The following GHR variants were observed in gnomAD, a reference collection of about 807,000 sequenced individuals.
GHR encodes growth hormone receptor, also known as GH receptor.
Under a neutral mutation model 67.1 loss-of-function variants are expected in GHR, and 35 were observed. That is an observed-to-expected ratio of 0.52 (90% CI 0.40 to 0.69). The LOEUF (loss-of-function observed/expected upper bound fraction) is 0.69, where lower values mean the gene tolerates loss of function less well. GHR is among the 30% of genes least tolerant of loss of function. GHR has a pLI of 0.00. For synonymous variants in GHR, 272 were observed against 269.1 expected, an observed-to-expected ratio of 1.01 and a Z score of -0.10; for missense variants, 792 against 764.6, an observed-to-expected ratio of 1.04 and a Z score of -0.42.
At chr5:42,594,405 T>G (rs1288830033) in intron 2 of GHR, among the ~76,000 whole-genome samples, 1 of 152,238 alleles carries the variant, frequency 6.6e-6, no homozygotes, top group African/African-American at 2.4e-5. Flanking sequence ...TGGAAAACAG[T>G]TTTGGCATAA....
intron 1 of GHR, chr5:42,467,847 C>A: frequency 9.9e-7 from 1 of 1,005,032 alleles, no homozygotes; most frequent in South Asian, 1.5e-5. Flanking sequence ...TTAACAGTGT[C>A]AGAATTAAGG....
chr5:42,622,830 T>A (rs1196089544), intron 2 of GHR, among the ~76,000 whole-genome samples: 2 of 152,154 alleles, frequency 1.3e-5, no homozygotes, highest in Admixed American at 6.5e-5. Context: ...GGATGAATCA[T>A]TGCCATAAGT....
intron 1 of GHR, among the ~76,000 whole-genome samples, chr5:42,495,398 TG>T (rs1421652931): frequency 4.6e-5 from 7 of 152,126 alleles, no homozygotes; most frequent in African/African-American, 1.7e-4. Context: ...ATTCATTAGC[TG>T]TTTTTTTCCA....
intron 3 of GHR, among the ~76,000 whole-genome samples, chr5:42,680,076 TCA>T (rs1350576037): frequency 2.0e-5 from 3 of 152,244 alleles, no homozygotes; most frequent in African/African-American, 7.2e-5. Flanking sequence ...TTTAGGCCAG[TCA>T]CACAAAGATT....
intron 2 of GHR, among the ~76,000 whole-genome samples, chr5:42,574,591 G>A (rs1272942587): frequency 6.6e-6 from 1 of 152,188 alleles, no homozygotes; most frequent in African/African-American, 2.4e-5. Flanking sequence ...AAAGGCAAAA[G>A]TATAAGTGCT....
At chr5:42,450,061 G>A (rs143128790) in intron 1 of GHR, among the ~76,000 whole-genome samples, 245 of 152,230 alleles carry the variant, frequency 1.6e-3, no homozygotes, top group African/African-American at 5.8e-3. Context: ...CTACTTTGTT[G>A]AGGATTTTTG....
At chr5:42,513,701 G>C (rs897709600) in intron 1 of GHR, among the ~76,000 whole-genome samples, 4 of 151,984 alleles carry the variant, frequency 2.6e-5, no homozygotes, top group African/African-American at 9.7e-5. Context: ...AGAATCGCTT[G>C]AACTCGGGAG....
At chr5:42,653,192 T>C (rs1293786105) in intron 3 of GHR, among the ~76,000 whole-genome samples, 1 of 152,154 alleles carries the variant, frequency 6.6e-6, no homozygotes, top group Non-Finnish European at 1.5e-5. Context: ...AGTAGCAGAA[T>C]TTCCTGAATG....
chr5:42,580,356 TG>T (rs1457645384), intron 2 of GHR, among the ~76,000 whole-genome samples: 3 of 152,074 alleles, frequency 2.0e-5, no homozygotes, highest in Non-Finnish European at 4.4e-5. Context: ...TGTGTGTTTG[TG>T]GGGTGGAGGA....
chr5:42,614,260 TTTTA>T (rs1235851995), intron 2 of GHR, among the ~76,000 whole-genome samples: 4 of 152,136 alleles, frequency 2.6e-5, no homozygotes, highest in African/African-American at 7.2e-5. Context: ...AAGAAGCCTT[TTTTA>T]AAAGCGTAAC....
chr5:42,705,189 AT>A (rs1384721159), intron 6 of GHR, among the ~76,000 whole-genome samples: 3 of 151,414 alleles, frequency 2.0e-5, no homozygotes, highest in Non-Finnish European at 4.4e-5. Flanking sequence ...GATCTTTATT[AT>A]TTCCTTCCTT....
At chr5:42,541,711 A>G (rs1316099551) in intron 1 of GHR, among the ~76,000 whole-genome samples, 2 of 152,194 alleles carry the variant, frequency 1.3e-5, no homozygotes, top group Non-Finnish European at 2.9e-5. Flanking sequence ...AGGGAGATAA[A>G]GATGGAGATG....
intron 1 of GHR, chr5:42,467,086 A>C: frequency 6.3e-7 from 1 of 1,585,464 alleles, no homozygotes; most frequent in South Asian, 1.1e-5. Context: ...CTGATGAATA[A>C]GTAGGTATGA....
At chr5:42,433,654 C>G (rs1363674995) in intron 1 of GHR, among the ~76,000 whole-genome samples, 1 of 150,406 alleles carries the variant, frequency 6.6e-6, no homozygotes, top group East Asian at 2.0e-4. Flanking sequence ...GAGAGAAGGA[C>G]AATCTGTTTG....
intron 1 of GHR, among the ~76,000 whole-genome samples, chr5:42,487,997 C>G (rs1353164450): frequency 1.3e-5 from 2 of 152,138 alleles, no homozygotes; most frequent in Non-Finnish European, 2.9e-5. Context: ...GATAGAACAG[C>G]TCTTAACATG....
chr5:42,488,762 A>T (rs1309400980), intron 1 of GHR, among the ~76,000 whole-genome samples: 1 of 152,226 alleles, frequency 6.6e-6, no homozygotes, highest in Non-Finnish European at 1.5e-5. Context: ...GCACATACAT[A>T]CTTGACCCAG....
chr5:42,544,802 T>C (rs1313152261), intron 1 of GHR, among the ~76,000 whole-genome samples: 2 of 152,172 alleles, frequency 1.3e-5, no homozygotes, highest in African/African-American at 4.8e-5. Context: ...ATCCACTAAA[T>C]TGATCCTACA....
At chr5:42,528,479 G>A (rs1371458669) in intron 1 of GHR, among the ~76,000 whole-genome samples, 4 of 152,198 alleles carry the variant, frequency 2.6e-5, no homozygotes, top group Admixed American at 2.6e-4. Flanking sequence ...AATTGCTACA[G>A]TCTCATGATA....
chr5:42,710,730 G>A (rs1417766958), intron 6 of GHR, among the ~76,000 whole-genome samples: 1 of 152,148 alleles, frequency 6.6e-6, no homozygotes, highest in African/African-American at 2.4e-5. Context: ...TTCCAATTCT[G>A]TGATTATGTG....
Sources: gnomAD v4.1 joint callset for allele counts (sites outside exome capture counted in the v4.1 genomes callset) on GRCh38, gnomAD v4.1.1 for gene constraint, MANE v1.5 for transcripts, NCBI Gene and HGNC (gene_info 2026-07-23, HGNC 2026-07-21) for gene names.